CCDC171: variants seen among roughly 807,000 people sequenced by gnomAD.
CCDC171 encodes coiled-coil domain-containing protein 171.
Under a neutral mutation model 168.2 loss-of-function variants are expected in CCDC171, and 177 were observed. The observed-to-expected ratio is 1.05, with a 90% CI of 0.93 to 1.19. The LOEUF (loss-of-function observed/expected upper bound fraction) is 1.19, where lower values mean the gene tolerates loss of function less well. Ranked by LOEUF, CCDC171 falls within the 50% of genes most tolerant of loss-of-function variation. The probability of loss-of-function intolerance (pLI) is 0.00; values close to 1 mark genes in which losing one functional copy is unlikely to be tolerated. For missense variants in CCDC171, 1,991 were observed against 1,539.0 expected (o/e 1.29, Z -4.91); for synonymous variants, 687 against 540.8 (o/e 1.27, Z -3.75).
intron 6 of CCDC171, among the ~76,000 whole-genome samples, chr9:15,609,643 A>G (rs974182842): frequency 6.6e-6 from 1 of 152,164 alleles, no homozygotes; most frequent in Non-Finnish European, 1.5e-5. Context: ...GTTCTTTTAT[A>G]TCTAAGATTT....
At chr9:15,739,740 A>ATTTTT (rs3082820) in intron 16 of CCDC171, among the ~76,000 whole-genome samples, 1 of 146,172 alleles carries the variant, frequency 6.8e-6, no homozygotes, top group Admixed American at 6.8e-5. Flanking sequence ...TGTAATACCA[A>ATTTTT]TTTTTTTTTT....
At chr9:15,789,740 A>G (rs1421481256) in intron 21 of CCDC171, among the ~76,000 whole-genome samples, 1 of 146,992 alleles carries the variant, frequency 6.8e-6, no homozygotes, top group Non-Finnish European at 1.5e-5. Context: ...TCCTAACGCT[A>G]TACCTTCCCC....
chr9:15,700,341 G>T (rs2051618188), intron 11 of CCDC171, among the ~76,000 whole-genome samples: 1 of 152,232 alleles, frequency 6.6e-6, no homozygotes, highest in African/African-American at 2.4e-5. Flanking sequence ...CTGAGTGTGG[G>T]GCCCGCCAAG....
At chr9:15,637,221 A>G (rs1172924418) in intron 7 of CCDC171, among the ~76,000 whole-genome samples, 3 of 152,282 alleles carry the variant, frequency 2.0e-5, no homozygotes, top group East Asian at 3.9e-4. Flanking sequence ...GTGCCACTGC[A>G]CTCCAGCCTG....
At position 15,683,113 on chromosome 9, in the gene CCDC171, T is replaced by A. The variant is rs149986270; in HGVS notation, c.1215+4217T>A. 3.7e-4 allele frequency among the ~76,000 whole-genome samples: 56 copies of A among 152,174 alleles called. No homozygotes were observed. The East Asian group carries it at 0.01, about 28-fold the overall frequency. ...TTTGTTTTCCTGCCACTCAGTAATATTTAGTTACAGCTCTAGGAGAGACTT... is the reference window on the plus strand; with the variant it reads ...TTTGTTTTCCTGCCACTCAGTAATAATTAGTTACAGCTCTAGGAGAGACTT... On this transcript the variant is annotated intron_variant, in intron 10 of 25. Transcript: ENST00000380701.
intron 6 of CCDC171, among the ~76,000 whole-genome samples, chr9:16,028,746 G>T (rs926972320): frequency 6.6e-6 from 1 of 152,158 alleles, no homozygotes; most frequent in African/African-American, 2.4e-5. Context: ...TGCTGCATTT[G>T]TCCCAAGGCT....
chr9:15,886,959 A>G (rs1819507918), intron 24 of CCDC171, among the ~76,000 whole-genome samples: 1 of 152,146 alleles, frequency 6.6e-6, no homozygotes, highest in Non-Finnish European at 1.5e-5. Context: ...AACAGAGTAG[A>G]AGGTGGTTGG....
intron 5 of CCDC171, among the ~76,000 whole-genome samples, chr9:15,592,529 ATTTACT>A (rs1427217121): frequency 6.6e-6 from 1 of 152,094 alleles, no homozygotes; most frequent in African/African-American, 2.4e-5. Flanking sequence ...TTGTCAGCAA[ATTTACT>A]TTTGATTTCT....
At chr9:15,821,802 A>C (rs1318590775) in intron 21 of CCDC171, among the ~76,000 whole-genome samples, 1 of 116,202 alleles carries the variant, frequency 8.6e-6, no homozygotes, top group African/African-American at 3.3e-5. Context: ...CAAGCTACCA[A>C]TGACTTTCTT....
intron 18 of CCDC171, among the ~76,000 whole-genome samples, chr9:15,773,523 C>G (rs1409184228): frequency 6.6e-6 from 1 of 152,114 alleles, no homozygotes; most frequent in Non-Finnish European, 1.5e-5. Flanking sequence ...TCATTAAAGA[C>G]ACATTTTATT....
At chr9:15,979,555 T>A (rs1450555002) in intron 3 of CCDC171, among the ~76,000 whole-genome samples, 2 of 152,120 alleles carry the variant, frequency 1.3e-5, no homozygotes, top group African/African-American at 4.8e-5. Context: ...ATCATGTGGT[T>A]TTTGTCCTGT....
chr9:15,786,685 A>G (rs1178991254), intron 21 of CCDC171, among the ~76,000 whole-genome samples: 2 of 152,140 alleles, frequency 1.3e-5, no homozygotes, highest in Non-Finnish European at 2.9e-5. Flanking sequence ...GGAGCAGCTG[A>G]AAAACCACAA....
the CCDC171 span, among the ~76,000 whole-genome samples, chr9:16,074,599 A>G: frequency 6.6e-6 from 1 of 152,186 alleles, no homozygotes; most frequent in African/African-American, 2.4e-5. Context: ...GAGGGGTTCT[A>G]TGAAAGGCTA....
intron 16 of CCDC171, among the ~76,000 whole-genome samples, chr9:15,732,284 G>C (rs931062948): frequency 1.3e-5 from 2 of 152,016 alleles, no homozygotes; most frequent in Admixed American, 6.6e-5. Context: ...ATAATGTCTT[G>C]TTTCTTCTAG....
chr9:15,799,135 C>CATATATATATATATATAT lies in CCDC171; in HGVS notation c.3267+14455_3267+14472dup, dbSNP rs57651824. Among the ~76,000 whole-genome samples, 224 of 108,974 alleles carry CATATATATATATATATAT rather than the reference C, an allele frequency of 2.1e-3. 4 individuals carry two copies. Among genetic ancestry groups the CATATATATATATATATAT allele is most frequent in the African/African-American group, 2.8e-3 (82 of 28,820 alleles). The allele number at this position is 108,974 out of a possible 152,430, so 71.5% of individuals were successfully genotyped here. On this transcript the variant is annotated intron_variant, in intron 21 of 25. Coordinates refer to ENST00000380701, the MANE Select transcript of CCDC171 (RefSeq NM_173550.4). Reference sequence around the variant, plus strand: ...GAAAACAATTGTCTTTCATCATTGCCATATATATATATATATATATATATA... The same window carrying CATATATATATATATATAT: ...GAAAACAATTGTCTTTCATCATTGCCATATATATATATATATATATATATATATATATATATATATATA...
intron 25 of CCDC171, among the ~76,000 whole-genome samples, chr9:15,924,569 G>A (rs1164692273): frequency 2.0e-5 from 3 of 151,302 alleles, no homozygotes; most frequent in African/African-American, 4.8e-5. Flanking sequence ...ATTTTATCCT[G>A]CTTCCTACTA....
Position 15,837,157 on chromosome 9 carries a change from GT to G in CCDC171, c.3268-9543del, listed in dbSNP as rs143404429. Among the ~76,000 whole-genome samples, 215 of 152,242 alleles carry G rather than the reference GT, an allele frequency of 1.4e-3. 1 individual carries two copies. The East Asian group carries it at 0.022, about 16-fold the overall frequency. ...GATTCTTCCGTGTATTATGCTGTTT[GT>G]TGTTTAAGAAAATTTGAACGTTCTA... On this transcript the variant is annotated intron_variant, in intron 21 of 25. Transcript: ENST00000380701.
At chr9:15,920,536 G>T (rs1489360015) in intron 25 of CCDC171, 114 bp downstream of exon 25, 3 of 712,380 alleles carry the variant, frequency 4.2e-6, no homozygotes, top group Non-Finnish European at 6.5e-6. Context: ...TAGGGTAAAT[G>T]ATCAATCAAG....
intron 10 of CCDC171, among the ~76,000 whole-genome samples, chr9:15,683,598 A>G (rs904439709): frequency 5.3e-5 from 8 of 152,060 alleles, no homozygotes; most frequent in African/African-American, 1.7e-4. Flanking sequence ...CTAGTAAATA[A>G]TATTCATCGC....
Sources: gnomAD v4.1 joint callset for allele counts (sites outside exome capture counted in the v4.1 genomes callset) on GRCh38, gnomAD v4.1.1 for gene constraint, MANE v1.5 for transcripts, NCBI Gene and HGNC (gene_info 2026-07-23, HGNC 2026-07-21) for gene names.